The following ITSN2 variants were observed in gnomAD, a reference collection of about 807,000 sequenced individuals.
ITSN2 encodes the protein intersectin-2.
A neutral mutation model predicts 243.7 loss-of-function variants in ITSN2; 156 were observed. The ratio of observed to expected loss-of-function variants is 0.64; its 90% CI spans 0.56 to 0.73. The LOEUF (loss-of-function observed/expected upper bound fraction) is 0.73. ITSN2 is among the 30% of genes least tolerant of loss of function. The pLI, the probability that ITSN2 is intolerant of heterozygous loss-of-function variation, is 0.00. For missense variants in ITSN2, 1,801 were observed against 1,996.1 expected, an observed-to-expected ratio of 0.90 and a Z score of 1.86; for synonymous variants, 703 against 699.9, an observed-to-expected ratio of 1.00 and a Z score of -0.07.
rs780043520 is a variant in ITSN2, at chr2:24,216,154, C to G, written c.3885G>C (p.Leu1295=). 1 of 1,613,080 alleles carries G rather than the reference C, an allele frequency of 6.2e-7. No individual in the cohort carries two copies. The highest frequency in any genetic ancestry group is 1.1e-5 in the South Asian group (1 of 90,906). The change falls in exon 32 of 40, where the codon CTG becomes CTC. Residue 1295 remains leucine, a synonymous_variant. Transcript: ENST00000355123. ...ACCTGATGTAAGCCTGCATGTGGGA[C>G]AGCTCAGCGGCCAGGATGTCCCCAA... is the stretch of plus-strand genomic sequence containing the variant. ...QMIGDILAAE[L]SHMQAYIRFC...
intron 2 of ITSN2, among the ~76,000 whole-genome samples, chr2:24,327,535 G>A (rs57087854): frequency 6.6e-6 from 1 of 152,026 alleles, no homozygotes; most frequent in East Asian, 1.9e-4. Flanking sequence ...CTGACCTCAA[G>A]TGATCTCCCT....
Position 24,252,351 on chromosome 2 carries a change from A to T in ITSN2, c.3114T>A (p.Asp1038Glu). The change falls in exon 25 of 40, where the codon GAT (aspartate) becomes GAA (glutamate). Residue 1038 changes from aspartate to glutamate, a missense_variant. Physicochemically the swap from Asp to Glu is conservative, Grantham distance 45. Around this residue, in one of 5 missense-constraint regions of ITSN2, gnomAD observed 928 missense variants for 1,065.4 expected, o/e 0.87. Coordinates refer to ENST00000355123, the MANE Select transcript of ITSN2 (RefSeq NM_006277.3). ...IFPSNYVKPK[D>E]QESFGSASKS... ...GATTTTAATATCAAAATACCTCTTG[A>T]TCCTTTGGTTTGACATAGTTTGATG... The T allele has an allele frequency of 6.2e-7, 1 of 1,606,248 alleles. No homozygotes were observed. Among genetic ancestry groups the T allele is most frequent in the Non-Finnish European group, 8.5e-7 (1 of 1,173,720 alleles).
chr2:24,337,773 GC>G (rs1686622773), intron 1 of ITSN2, among the ~76,000 whole-genome samples: 1 of 150,568 alleles, frequency 6.6e-6, no homozygotes, highest in Admixed American at 6.7e-5. Flanking sequence ...CTACAAGTGT[GC>G]ACCACTATGC....
intron 8 of ITSN2, among the ~76,000 whole-genome samples, chr2:24,307,143 A>C (rs1387084787): frequency 6.6e-6 from 1 of 152,202 alleles, no homozygotes; most frequent in Non-Finnish European, 1.5e-5. Flanking sequence ...GGTACAAAGA[A>C]GTTAATTTTT....
At chr2:24,208,918 T>C (rs548781086) in intron 36 of ITSN2, among the ~76,000 whole-genome samples, 182 bp downstream of exon 36, 1 of 152,062 alleles carries the variant, frequency 6.6e-6, no homozygotes, top group Non-Finnish European at 1.5e-5. Context: ...GGGAAGCATG[T>C]TAGGAGGCAG....
rs1222894657 is a variant in ITSN2, at chr2:24,301,367, T to G, written c.996-128A>C. The G allele has an allele frequency of 9.9e-6, 5 of 506,556 alleles. No individual in the cohort carries two copies. The East Asian group carries it at 1.5e-4, about 15-fold the overall frequency. 31.4% of individuals were successfully genotyped at this position (506,556 alleles called of 1,614,324 possible). ...AGTATTAAAGATATTTAAAACAGTT[T>G]GGTATGTCGTTACAAAATACAGTAG... On this transcript the variant is annotated intron_variant, in intron 10 of 39. Coordinates refer to ENST00000355123, the MANE Select transcript of ITSN2 (RefSeq NM_006277.3).
intron 8 of ITSN2, among the ~76,000 whole-genome samples, chr2:24,305,099 A>G (rs1682315558): frequency 6.6e-6 from 1 of 152,122 alleles, no homozygotes; most frequent in African/African-American, 2.4e-5. Context: ...GCACTTTTAA[A>G]CAAGTAACCA....
Position 24,299,942 on chromosome 2 carries a change from C to A in ITSN2, c.1311G>T (p.Glu437Asp), listed in dbSNP as rs147837423. 8.1e-5 allele frequency: 130 copies of A among 1,612,054 alleles called. No individual in the cohort carries two copies. The African/African-American group carries it at 1.6e-3, about 20-fold the overall frequency. Reference sequence around the variant, plus strand: ...TTTCTATGTCTTTTCTCCTTTCTTCCTCTCGTTGTCTCTCCAATTCCCGTT... The same window carrying A: ...TTTCTATGTCTTTTCTCCTTTCTTCATCTCGTTGTCTCTCCAATTCCCGTT... ...EKQRELERQREEERRKDIERR... is the reference protein window; with the variant it reads ...EKQRELERQRDEERRKDIERR... Residue 437 changes from glutamate to aspartate, a missense_variant, in exon 12 of 40, where the codon GAG becomes GAT. By Grantham distance (45) the Glu-to-Asp change is conservative. This residue lies in a region of ITSN2 where 787 missense variants were observed against 803.9 expected (regional missense o/e 0.98). Coordinates refer to ENST00000355123, the MANE Select transcript of ITSN2 (RefSeq NM_006277.3).
intron 15 of ITSN2, 48 bp downstream of exon 15, chr2:24,293,640 G>T: frequency 1.5e-6 from 1 of 687,810 alleles, no homozygotes; most frequent in Non-Finnish European, 2.5e-6. Flanking sequence ...GACTGATACA[G>T]TCATTCAGAA....
intron 18 of ITSN2, among the ~76,000 whole-genome samples, chr2:24,274,012 A>T (rs189230563): frequency 6.6e-6 from 1 of 152,352 alleles, no homozygotes; most frequent in East Asian, 1.9e-4. Flanking sequence ...TGCAAGGATG[A>T]TGAATGAAAT....
Position 24,313,507 on chromosome 2 carries a change from A to C in ITSN2, c.141T>G (p.Asn47Lys). ...GGYITGDQAR[N>K]FFLQSGLPAP... ...CCGGCAGACCTGATTGTAGGAAAAA[A>C]TTACGTGCTTGATCACCTGGAGGTA... The change falls in exon 4 of 40, where the codon AAT (asparagine) becomes AAG (lysine). Residue 47 changes from asparagine to lysine, a missense_variant. This residue lies in a region of ITSN2 where 77 missense variants were observed against 90.1 expected (regional missense o/e 0.85). Coordinates refer to ENST00000355123, the MANE Select transcript of ITSN2 (RefSeq NM_006277.3). The C allele has an allele frequency of 6.2e-7, 1 of 1,613,516 alleles. No individual in the cohort carries two copies. Among genetic ancestry groups the C allele is most frequent in the Non-Finnish European group, 8.5e-7 (1 of 1,179,642 alleles).
intron 8 of ITSN2, among the ~76,000 whole-genome samples, chr2:24,306,138 C>T (rs1032989071): frequency 8.5e-5 from 13 of 152,084 alleles, no homozygotes; most frequent in Non-Finnish European, 5.9e-5. Context: ...CACCACCACG[C>T]CTGGTTAATT....
chr2:24,203,537 G>C lies in ITSN2; in HGVS notation c.*89C>G. On this transcript the variant is annotated 3_prime_UTR_variant, in exon 40 of 40. Coordinates refer to ENST00000355123, the MANE Select transcript of ITSN2 (RefSeq NM_006277.3). ...GGCTTTGTGAGGGGTGAAGCTGCAT[G>C]GTGCTCCCTCAGCCCCAAGAGAGCG... The C allele has an allele frequency of 1.5e-6, 2 of 1,320,746 alleles. No individual in the cohort carries two copies. The highest frequency in any genetic ancestry group is 2.1e-6 in the Non-Finnish European group (2 of 971,586). 81.8% of individuals were successfully genotyped at this position (1,320,746 alleles called of 1,614,324 possible).
intron 35 of ITSN2, 148 bp from the exon 36 acceptor site, chr2:24,209,369 TGAAACCTCCATTTGTAAGAAC>T: frequency 1.2e-6 from 1 of 842,910 alleles, no homozygotes; most frequent in Non-Finnish European, 1.8e-6. Context: ...ACAGAACAAA[TGAAACCTCCATTTGTAAGAAC>T]AATGAAGCCT....
intron 17 of ITSN2, among the ~76,000 whole-genome samples, chr2:24,282,703 A>G (rs1299888343): frequency 6.6e-6 from 1 of 152,186 alleles, no homozygotes; most frequent in African/African-American, 2.4e-5. Context: ...AGGTTTGAGC[A>G]GGGGAGCACT....
In ITSN2 at chr2:24,335,702, C is replaced by A. The variant is rs1035356077; in HGVS notation, c.-33-7587G>T. Among the ~76,000 whole-genome samples, 3 of 151,344 alleles carry A rather than the reference C, an allele frequency of 2.0e-5. 1 individual carries two copies. Among genetic ancestry groups the A allele is most frequent in the Non-Finnish European group, 4.4e-5 (3 of 67,874 alleles). Reference sequence around the variant, plus strand: ...TCCCCCAGGCTGGAGTGCAGTGCGCCATCTTGGCTCACTGCAACCTCCGCC... The same window carrying A: ...TCCCCCAGGCTGGAGTGCAGTGCGCAATCTTGGCTCACTGCAACCTCCGCC... On this transcript the variant is annotated intron_variant, in intron 1 of 39. Transcript: ENST00000355123.
At chr2:24,292,075 T>A (rs1296311806) in intron 15 of ITSN2, among the ~76,000 whole-genome samples, 1 of 152,150 alleles carries the variant, frequency 6.6e-6, no homozygotes, top group Non-Finnish European at 1.5e-5. Flanking sequence ...GCATCAAAAC[T>A]GACTCACACA....
chr2:24,252,527 C>T lies in ITSN2; in HGVS notation c.2954-16G>A. The stretch of plus-strand genomic sequence containing the variant: ...GCAATATATTCTGTAGGGAACAAAG[C>T]AAAAAGAAGTAGATTCTGGTTTTAA... On this transcript the variant is annotated splice_polypyrimidine_tract_variant and intron_variant, in intron 24 of 39. Transcript: ENST00000355123. The T allele has an allele frequency of 6.4e-7, 1 of 1,567,648 alleles. No individual in the cohort carries two copies.
At chr2:24,284,907 T>A in intron 16 of ITSN2, 64 bp from the exon 17 acceptor site, 1 of 965,770 alleles carries the variant, frequency 1.0e-6, no homozygotes, top group Non-Finnish European at 1.6e-6. Context: ...TTTTTTTTTT[T>A]TTTTTTTTGA....
Sources: gnomAD v4.1 joint callset for allele counts (sites outside exome capture counted in the v4.1 genomes callset) on GRCh38, gnomAD v4.1.1 for gene constraint, gnomAD v4.1.1 regional missense constraint, MANE v1.5 for transcripts, NCBI Gene and HGNC (gene_info 2026-07-23, HGNC 2026-07-21) for gene names.